INPP4B: variants seen among roughly 807,000 people sequenced by gnomAD.
INPP4B encodes inositol polyphosphate-4-phosphatase type II B.
In INPP4B, 55 loss-of-function variants were observed where a neutral mutation model predicts 122.5. The observed-to-expected ratio is 0.45, with a 90% CI of 0.36 to 0.56. The LOEUF (loss-of-function observed/expected upper bound fraction) is 0.56, where lower values mean the gene tolerates loss of function less well. Among genes scored for constraint, INPP4B ranks in the 20% least tolerant of loss-of-function variants. The pLI is 0.00. For synonymous variants in INPP4B, 403 were observed against 388.7 expected, an observed-to-expected ratio of 1.04 and a Z score of -0.43; for missense variants, 1,000 against 1,097.7, an observed-to-expected ratio of 0.91 and a Z score of 1.26.
intron 2 of INPP4B, among the ~76,000 whole-genome samples, chr4:142,594,675 G>GC (rs1738274533): frequency 6.6e-6 from 1 of 152,076 alleles, no homozygotes; most frequent in Non-Finnish European, 1.5e-5. Context: ...GGAACATGAG[G>GC]CCGGGCATGG....
intron 1 of INPP4B, among the ~76,000 whole-genome samples, chr4:142,840,064 G>A (rs1432008248): frequency 1.3e-5 from 2 of 152,066 alleles, no homozygotes; most frequent in African/African-American, 4.8e-5. Context: ...CAAAGGCAAG[G>A]GTGTATATAT....
chr4:142,359,042 T>C (rs1195535156), intron 7 of INPP4B, among the ~76,000 whole-genome samples: 3 of 151,934 alleles, frequency 2.0e-5, no homozygotes, highest in African/African-American at 7.2e-5. Flanking sequence ...GAAAAATTAG[T>C]TCAGAAATCA....
intron 7 of INPP4B, among the ~76,000 whole-genome samples, chr4:142,367,186 ATATGTGTGTGTG>A (rs1283456035): frequency 0.015 from 1,609 of 106,484 alleles, 40 homozygotes; most frequent in African/African-American, 0.05. Flanking sequence ...TATACATGTA[ATATGTGTGTGTG>A]TGTGTGTGTG....
At chr4:142,720,807 C>CTATA (rs1462805409) in intron 2 of INPP4B, among the ~76,000 whole-genome samples, 9 of 13,730 alleles carry the variant, frequency 6.6e-4, no homozygotes, top group African/African-American at 9.1e-4. Context: ...CTCTCTCTCT[C>CTATA]TCTATATATA....
chr4:142,107,781 CA>C (rs1435002118), intron 23 of INPP4B, among the ~76,000 whole-genome samples: 2 of 152,030 alleles, frequency 1.3e-5, no homozygotes, highest in Non-Finnish European at 2.9e-5. Flanking sequence ...AAGAATTATA[CA>C]AAATTTTTAT....
At chr4:142,258,315 A>G (rs981588035) in intron 11 of INPP4B, among the ~76,000 whole-genome samples, 2 of 151,928 alleles carry the variant, frequency 1.3e-5, no homozygotes, top group Non-Finnish European at 2.9e-5. Context: ...TGTCTAAAAC[A>G]CCAAAAGCAA....
Position 142,029,116 on chromosome 4 carries a change from G to A in INPP4B, c.2643-202C>T, listed in dbSNP as rs913801855. On this transcript the variant is annotated intron_variant, in intron 25 of 25. Coordinates refer to ENST00000262992, the MANE Select transcript of INPP4B (RefSeq NM_001101669.3). ...AATACCATTATTGCCCTCTGAAAGA[G>A]ATGACTTAAGTCTCTTTACTCTTAA... The A allele has an allele frequency of 3.6e-5, 47 of 1,297,376 alleles. No homozygotes were observed. The South Asian group carries it at 9.5e-4, about 26-fold the overall frequency. 80.4% of individuals were successfully genotyped at this position (1,297,376 alleles called of 1,614,324 possible). A position where few individuals can be genotyped will look rare whatever the true frequency, so the allele number is the denominator to read the frequency against.
At chr4:142,623,893 T>C (rs1410920014) in intron 2 of INPP4B, among the ~76,000 whole-genome samples, 1 of 152,108 alleles carries the variant, frequency 6.6e-6, no homozygotes, top group African/African-American at 2.4e-5. Flanking sequence ...ACAAAGGACA[T>C]GAACTCATCA....
intron 7 of INPP4B, among the ~76,000 whole-genome samples, chr4:142,331,506 A>C (rs1464213706): frequency 1.3e-5 from 2 of 152,186 alleles, no homozygotes; most frequent in African/African-American, 4.8e-5. Context: ...TAGTATGAAA[A>C]TACAATCATC....
At chr4:142,265,863 G>A (rs888922042) in intron 10 of INPP4B, among the ~76,000 whole-genome samples, 1 of 152,020 alleles carries the variant, frequency 6.6e-6, no homozygotes, top group African/African-American at 2.4e-5. Flanking sequence ...TTTGGGTGGG[G>A]GCATATCTCT....
chr4:142,268,322 C>CAAAAAAAAAAAAAAA (rs56908599), intron 10 of INPP4B, among the ~76,000 whole-genome samples: 102 of 6,900 alleles, frequency 0.015, 25 homozygotes, highest in African/African-American at 0.024. Flanking sequence ...GACTCCGTCT[C>CAAAAAAAAAAAAAAA]AAAAAAAAAA....
chr4:142,195,467 C>T (rs1837775744), intron 14 of INPP4B, among the ~76,000 whole-genome samples: 1 of 152,026 alleles, frequency 6.6e-6, no homozygotes, highest in African/African-American at 2.4e-5. Context: ...CAAAAAAAGG[C>T]CACAAAAAAA....
intron 25 of INPP4B, among the ~76,000 whole-genome samples, chr4:142,061,877 C>CAT (rs1760852066): frequency 1.7e-4 from 3 of 17,424 alleles, no homozygotes. Context: ...CACACACACA[C>CAT]ACACACACAT....
At chr4:142,516,591 G>A (rs1222714981) in intron 2 of INPP4B, among the ~76,000 whole-genome samples, 1 of 152,116 alleles carries the variant, frequency 6.6e-6, no homozygotes, top group African/African-American at 2.4e-5. Context: ...AGTGAAATAA[G>A]GCAAACAAAG....
At chr4:142,384,223 A>T in intron 7 of INPP4B, 1 of 671,842 alleles carries the variant, frequency 1.5e-6, no homozygotes, top group Admixed American at 2.2e-5. Flanking sequence ...ACCTTAGAAA[A>T]AACAGGTATT....
intron 25 of INPP4B, among the ~76,000 whole-genome samples, chr4:142,069,354 G>A (rs978902522): frequency 6.6e-6 from 1 of 152,188 alleles, no homozygotes; most frequent in African/African-American, 2.4e-5. Context: ...GCAATGTATA[G>A]CACTAAATGC....
chr4:142,582,567 G>T (rs1252955296), intron 2 of INPP4B, among the ~76,000 whole-genome samples: 1 of 152,098 alleles, frequency 6.6e-6, no homozygotes, highest in Non-Finnish European at 1.5e-5. Flanking sequence ...CTCATGAAGG[G>T]GATGGTGCTA....
At chr4:142,299,622 C>T (rs937568951) in intron 9 of INPP4B, among the ~76,000 whole-genome samples, 6 of 151,026 alleles carry the variant, frequency 4.0e-5, no homozygotes, top group African/African-American at 1.5e-4. Context: ...ATGCTTTCAA[C>T]GAAGTATAAC....
chr4:142,644,629 G>T (rs978932502), intron 2 of INPP4B, among the ~76,000 whole-genome samples: 4 of 150,818 alleles, frequency 2.7e-5, no homozygotes, highest in Non-Finnish European at 5.9e-5. Flanking sequence ...AGGTGCAGCA[G>T]CTCATGCCTG....
Sources: gnomAD v4.1 joint callset for allele counts (sites outside exome capture counted in the v4.1 genomes callset) on GRCh38, gnomAD v4.1.1 for gene constraint, MANE v1.5 for transcripts, NCBI Gene and HGNC (gene_info 2026-07-23, HGNC 2026-07-21) for gene names.